CD36: variants seen among roughly 807,000 people sequenced by gnomAD.
CD36 encodes the protein platelet glycoprotein 4.
In CD36, 119 loss-of-function variants were observed where a neutral mutation model predicts 55.2. That is an observed-to-expected ratio of 2.15 (90% CI 1.86 to 2.51). CD36 has a LOEUF of 2.51. Ranked by LOEUF, CD36 falls within the 30% of genes most tolerant of loss-of-function variation. The pLI, the probability that CD36 is intolerant of heterozygous loss-of-function variation, is 0.00. For missense variants in CD36, 819 were observed against 555.5 expected, an observed-to-expected ratio of 1.47 and a Z score of -4.77; for synonymous variants, 186 against 193.6, an observed-to-expected ratio of 0.96 and a Z score of 0.33.
intron 1 of CD36, among the ~76,000 whole-genome samples, chr7:80,627,303 A>G (rs1418717866): frequency 6.6e-6 from 1 of 152,074 alleles, no homozygotes; most frequent in African/African-American, 2.4e-5. Flanking sequence ...CCTGTGGTTG[A>G]CGATATGTCT....
intron 3 of CD36, among the ~76,000 whole-genome samples, chr7:80,650,946 A>T (rs1712413204): frequency 1.4e-5 from 2 of 147,146 alleles, no homozygotes; most frequent in African/African-American, 5.0e-5. Flanking sequence ...AAAAAAAACT[A>T]AAAATCAATA....
At chr7:80,635,632 C>T (rs1242062016), upstream of CD36, among the ~76,000 whole-genome samples, 2 of 152,038 alleles carry the variant, frequency 1.3e-5, no homozygotes, top group East Asian at 1.9e-4. Context: ...TTCATATTAT[C>T]ACTTTTAATC....
intron 14 of CD36, among the ~76,000 whole-genome samples, chr7:80,675,302 A>G (rs1798115635): frequency 6.6e-6 from 1 of 151,584 alleles, no homozygotes; most frequent in South Asian, 2.1e-4. Context: ...TTGTATGACT[A>G]TGTAATAGAT....
In CD36 at chr7:80,667,747, G is replaced by GTTTTTTT. The variant is rs1165767460; in HGVS notation, c.748+1273_748+1279dup. Among the ~76,000 whole-genome samples the GTTTTTTT allele has an allele frequency of 7.3e-3, 606 of 82,582 alleles. 29 individuals carry two copies. The highest frequency in any genetic ancestry group is 0.023 in the African/African-American group (545 of 24,056). The allele number at this position is 82,582 out of a possible 152,430, so 54.2% of individuals were successfully genotyped here. ...GTTGGATTTGCAGGGGTTTTCTTTT[G>GTTTTTTT]TTTTTTTTTTTTTTTTTTTTTGAGA... On this transcript the variant is annotated intron_variant, in intron 8 of 14. Coordinates refer to ENST00000447544, the MANE Select transcript of CD36 (RefSeq NM_001001548.3).
rs199628571 is a variant in CD36, at chr7:80,671,158, A to G, written c.1000A>G (p.Lys334Glu). Residue 334 changes from lysine to glutamate, a missense_variant, in exon 10 of 15, where the codon AAA becomes GAA. Physicochemically the swap from Lys to Glu is moderately conservative, Grantham distance 56. Coordinates refer to ENST00000447544, the MANE Select transcript of CD36 (RefSeq NM_001001548.3). ...TGGTGTGCTAGACATCAGCAAATGC[A>G]AAGAAGGTGAGTAAATAACCTCAGT... Reference protein sequence around the residue: ...SYGVLDISKCKEGRPVYISLP... With the variant: ...SYGVLDISKCEEGRPVYISLP... The G allele has an allele frequency of 2.4e-4, 380 of 1,604,226 alleles. No homozygotes were observed. The highest frequency in any genetic ancestry group is 2.9e-4 in the Non-Finnish European group (341 of 1,172,204).
chr7:80,627,929 T>C (rs897041030), intron 1 of CD36, among the ~76,000 whole-genome samples: 6 of 152,024 alleles, frequency 3.9e-5, no homozygotes, highest in Non-Finnish European at 7.4e-5. Context: ...AATCCCTTTA[T>C]AAGAATATTT....
Position 80,671,108 on chromosome 7 carries a change from T to A in CD36, c.950T>A (p.Ile317Asn). 1 of 1,613,370 alleles carries A rather than the reference T, an allele frequency of 6.2e-7. No homozygotes were observed. Among genetic ancestry groups the A allele is most frequent in the Non-Finnish European group, 8.5e-7 (1 of 1,179,624 alleles). The change falls in exon 10 of 15, where the codon ATT (isoleucine) becomes AAT (asparagine). Residue 317 changes from isoleucine to asparagine, a missense_variant. Transcript: ENST00000447544. ...PDNYCFCTEK[I>N]ISKNCTSYGV... is the part of the protein sequence containing the mutation. ...AACTATTGTTTCTGCACAGAAAAAATTATCTCAAAAAATTGTACATCATAT... is the reference window on the plus strand; with the variant it reads ...AACTATTGTTTCTGCACAGAAAAAAATATCTCAAAAAATTGTACATCATAT...
intron 1 of CD36, among the ~76,000 whole-genome samples, chr7:80,639,392 G>A (rs1352309922): frequency 6.6e-6 from 1 of 151,896 alleles, no homozygotes; most frequent in East Asian, 1.9e-4. Context: ...TTTAATTAGT[G>A]TAAATTAGTA....
At chr7:80,611,913 A>T (rs1792896747) in intron 1 of CD36, among the ~76,000 whole-genome samples, 1 of 152,316 alleles carries the variant, frequency 6.6e-6, no homozygotes, top group African/African-American at 2.4e-5. Flanking sequence ...GGGTTCAGAC[A>T]TAAAAGGTCT....
At chr7:80,672,941 C>T in intron 12 of CD36, 98 bp downstream of exon 12, 2 of 778,746 alleles carry the variant, frequency 2.6e-6, no homozygotes, top group East Asian at 2.7e-5. Context: ...GTGGAAATAA[C>T]ATCTGATATC....
chr7:80,672,282 AG>A (rs1374261354), intron 11 of CD36, among the ~76,000 whole-genome samples: 3 of 151,862 alleles, frequency 2.0e-5, no homozygotes, highest in Admixed American at 6.6e-5. Flanking sequence ...ATTATGCAAA[AG>A]TCAAAGAGTA....
Position 80,661,092 on chromosome 7 carries a change from C to T in CD36, c.311C>T (p.Thr104Ile). ...RVRFLAKENVTQDAEDNTVSF... is the reference protein window; with the variant it reads ...RVRFLAKENVIQDAEDNTVSF... ...CGTTTTCTAGCCAAGGAAAATGTAA[C>T]CCAGGACGCTGAGGACAACACAGTC... The change falls in exon 5 of 15, where the codon ACC becomes ATC. Residue 104 changes from threonine (T) to isoleucine (I), a missense_variant. Thr to Ile is a moderately conservative substitution (Grantham distance 89). Coordinates refer to ENST00000447544, the MANE Select transcript of CD36 (RefSeq NM_001001548.3). 1.2e-6 allele frequency: 2 copies of T among 1,613,796 alleles called. No individual in the cohort carries two copies. Among genetic ancestry groups the T allele is most frequent in the Non-Finnish European group, 1.7e-6 (2 of 1,179,722 alleles).
At chr7:80,640,058 CTG>C (rs1794705994) in intron 1 of CD36, 1 of 151,798 alleles carries the variant, frequency 6.6e-6, no homozygotes, top group East Asian at 1.9e-4. Flanking sequence ...TGTGTATTTC[CTG>C]TGTGTTTCCT....
chr7:80,635,828 A>G (rs536541900), upstream of CD36, among the ~76,000 whole-genome samples: 1 of 152,248 alleles, frequency 6.6e-6, no homozygotes, highest in African/African-American at 2.4e-5. Context: ...AAGCAGCATA[A>G]TAGTCTCTCA....
rs753625642 is a variant in CD36 at position 80,661,215 on chromosome 7, G to T, written c.429+5G>T. On this transcript the variant is annotated splice_donor_5th_base_variant and intron_variant, in intron 5 of 14. Coordinates refer to ENST00000447544, the MANE Select transcript of CD36 (RefSeq NM_001001548.3). ...GTTCTCAATCTGGCTGTGGCAGTGA[G>T]TAGACAAACAACAAAGTTATCTATT... 1.9e-5 allele frequency: 30 copies of T among 1,613,156 alleles called. No individual in the cohort carries two copies. The highest frequency in any genetic ancestry group is 5.5e-5 in the South Asian group (5 of 91,074).
chr7:80,672,718 T>C (rs1303137368), intron 11 of CD36, 52 bp from the exon 12 acceptor site: 16 of 1,246,596 alleles, frequency 1.3e-5, no homozygotes, highest in Non-Finnish European at 1.7e-5. Context: ...TTTTGAATAG[T>C]ATAAAATAAT....
chr7:80,662,519 C>T, intron 5 of CD36: 1 of 286,156 alleles, frequency 3.5e-6, no homozygotes, highest in South Asian at 4.4e-5. Context: ...ATGAACACGC[C>T]TGCAACAATT....
At chr7:80,656,423 A>G (rs1796071951) in intron 3 of CD36, 117 bp from the exon 4 acceptor site, 4 of 806,688 alleles carry the variant, frequency 5.0e-6, no homozygotes, top group South Asian at 1.5e-5. Context: ...GGTTCTCATG[A>G]ATGAGGTACT....
chr7:80,669,977 T>A lies in CD36; in HGVS notation c.773T>A (p.Val258Asp). Residue 258 changes from valine (V) to aspartate (D), a missense_variant, in exon 9 of 15, where the codon GTT (valine) becomes GAT (aspartate). Coordinates refer to ENST00000447544, the MANE Select transcript of CD36 (RefSeq NM_001001548.3). The part of the protein sequence containing the change: ...GTDAASFPPF[V>D]EKSQVLQFFS... ...GATGCAGCCTCATTTCCACCTTTTGTTGAGAAAAGCCAGGTATTGCAGTTC... is the reference window on the plus strand; with the variant it reads ...GATGCAGCCTCATTTCCACCTTTTGATGAGAAAAGCCAGGTATTGCAGTTC... The A allele has an allele frequency of 1.9e-6, 3 of 1,612,746 alleles. No individual in the cohort carries two copies. Among genetic ancestry groups the A allele is most frequent in the Middle Eastern group, 3.3e-4 (2 of 6,058 alleles).
Sources: gnomAD v4.1 joint callset for allele counts (sites outside exome capture counted in the v4.1 genomes callset) on GRCh38, gnomAD v4.1.1 for gene constraint, MANE v1.5 for transcripts, NCBI Gene and HGNC (gene_info 2026-07-23, HGNC 2026-07-21) for gene names.